The following HPSE variants were observed in gnomAD, a reference collection of about 807,000 sequenced individuals.
The protein encoded by HPSE is endo-glucoronidase.
HPSE carries 48 observed loss-of-function variants against 65.1 expected under a neutral mutation model. The observed-to-expected ratio is 0.74, with a 90% CI of 0.58 to 0.94. HPSE has a LOEUF of 0.94. HPSE is among the 40% of genes least tolerant of loss of function. The pLI is 0.00. For synonymous variants in HPSE, 243 were observed against 260.0 expected (o/e 0.93, Z 0.63); for missense variants, 644 against 637.5 (o/e 1.01, Z -0.11).
rs1737169991 is a variant in HPSE at position 83,326,691 on chromosome 4, C to A, written c.228-4327G>T. On this transcript the variant is annotated intron_variant, in intron 1 of 11. Transcript: ENST00000311412. The surrounding 1 kb of genome is among the most constrained non-coding windows in gnomAD (Gnocchi z 4.2). ...AGGTCACAAGGTATGGCCCTAAAAC[C>A]AAGATGAGGAACTTCCTCAGAGAGA... is the stretch of plus-strand genomic sequence containing the variant. 6.6e-6 allele frequency among the ~76,000 whole-genome samples: 1 copy of A among 152,138 alleles called. No homozygotes were observed. Among genetic ancestry groups the A allele is most frequent in the African/African-American group, 2.4e-5 (1 of 41,430 alleles).
chr4:83,310,170 TTA>T, intron 5 of HPSE, 92 bp from the exon 6 acceptor site: 1 of 802,244 alleles, frequency 1.2e-6, no homozygotes, highest in South Asian at 1.8e-5. Context: ...AATGGGCTGG[TTA>T]CTGCTTTAGG....
At chr4:83,324,956 C>T (rs1285702938) in intron 1 of HPSE, among the ~76,000 whole-genome samples, 1 of 151,976 alleles carries the variant, frequency 6.6e-6, no homozygotes, top group Non-Finnish European at 1.5e-5. Flanking sequence ...ATAAATAGTA[C>T]TCATAGTGTA....
intron 8 of HPSE, 113 bp downstream of exon 8, chr4:83,308,732 C>T (rs532211910): frequency 1.5e-4 from 116 of 759,896 alleles, no homozygotes; most frequent in Non-Finnish European, 2.5e-4. Context: ...TTTTGGGGCT[C>T]AGCCACTGAA....
At chr4:83,298,610 T>C (rs1735816415) in intron 11 of HPSE, among the ~76,000 whole-genome samples, 1 of 152,106 alleles carries the variant, frequency 6.6e-6, no homozygotes, top group Non-Finnish European at 1.5e-5. Flanking sequence ...GGAAGATCAC[T>C]TGAGCTTAGG....
intron 11 of HPSE, 55 bp from the exon 12 acceptor site, chr4:83,295,558 C>G: frequency 7.3e-7 from 1 of 1,371,086 alleles, no homozygotes; most frequent in East Asian, 2.5e-5. Flanking sequence ...CCCACCCATG[C>G]TGCTACAAAA....
rs36002405 is a variant in HPSE, at chr4:83,321,987, C to CTTTTTTTTTTTTT, written c.373+219_373+231dup. ...GAGCTCTCAGTTATATCCAGGACGC[C>CTTTTTTTTTTTTT]TTTTTTTTTTTTTTTTTTTTGTGAG... On this transcript the variant is annotated intron_variant, in intron 2 of 11. Coordinates refer to ENST00000311412, the MANE Select transcript of HPSE (RefSeq NM_001098540.3). Among the ~76,000 whole-genome samples, 25 of 92,562 alleles carry CTTTTTTTTTTTTT rather than the reference C, an allele frequency of 2.7e-4. 2 individuals carry two copies. Among genetic ancestry groups the CTTTTTTTTTTTTT allele is most frequent in the South Asian group, 9.0e-4 (2 of 2,222 alleles). The allele number at this position is 92,562 out of a possible 152,430, so 60.7% of individuals were successfully genotyped here.
chr4:83,317,305 C>T (rs574724877), intron 3 of HPSE, among the ~76,000 whole-genome samples: 1 of 152,294 alleles, frequency 6.6e-6, no homozygotes, highest in East Asian at 1.9e-4. Context: ...CCATGTCACT[C>T]AGCCATTACC....
At position 83,293,052 on chromosome 4, in the gene HPSE, T is replaced by G. The variant is rs908545675; in HGVS notation, c.*2292A>C. ...TACTATATCCATAACAGGCATACAT[T>G]TGAAGAATATTAATCCTTAAGAGGG... On this transcript the variant is annotated 3_prime_UTR_variant, in exon 12 of 12. Transcript: ENST00000311412. The G allele has an allele frequency of 1.3e-5, 2 of 152,220 alleles. No homozygotes were observed. Among genetic ancestry groups the G allele is most frequent in the African/African-American group, 2.4e-5 (1 of 41,452 alleles). The allele number at this position is 152,220 out of a possible 1,614,324, so 9.4% of individuals were successfully genotyped here. A position where few individuals can be genotyped will look rare whatever the true frequency, so the allele number is the denominator to read the frequency against.
In HPSE at chr4:83,322,325, A is replaced by G; in HGVS notation, c.267T>C (p.Pro89=). The change falls in exon 2 of 12, where the codon CCT becomes CCC. Residue 89 remains proline (P), a synonymous_variant. Coordinates refer to ENST00000311412, the MANE Select transcript of HPSE (RefSeq NM_001098540.3). ...TGGTGCCACCAAACCTCAGGTACGC[A>G]GGAGACAAGCCTCTGGCCAAGGTAC... ...KLRTLARGLS[P]AYLRFGGTKT... is the part of the protein sequence containing the mutation. 1 of 1,613,866 alleles carries G rather than the reference A, an allele frequency of 6.2e-7. No homozygotes were observed. Among genetic ancestry groups the G allele is most frequent in the Non-Finnish European group, 8.5e-7 (1 of 1,179,838 alleles).
intron 8 of HPSE, among the ~76,000 whole-genome samples, chr4:83,306,552 A>G (rs1226953454): frequency 6.6e-6 from 1 of 152,104 alleles, no homozygotes; most frequent in Non-Finnish European, 1.5e-5. Flanking sequence ...AGTAGCTGGG[A>G]CTGAAACCGC....
chr4:83,301,006 C>G lies in HPSE; in HGVS notation c.1426G>C (p.Asp476His). The G allele has an allele frequency of 1.2e-6, 2 of 1,609,338 alleles. No individual in the cohort carries two copies. Among genetic ancestry groups the G allele is most frequent in the East Asian group, 2.2e-5 (1 of 44,722 alleles). The stretch of plus-strand genomic sequence containing the variant: ...CCCAAAGGTCTTAGAAGGTATTTAT[C>G]CACTTGCTTGTTAGAAAAAGGATAG... ...LPYPFSNKQV[D>H]KYLLRPLGPH... The change falls in exon 11 of 12, where the codon GAT (aspartate) becomes CAT (histidine). Residue 476 changes from aspartate to histidine, a missense_variant. Asp to His is a moderately conservative substitution (Grantham distance 81, BLOSUM62 -1). Transcript: ENST00000311412.
At position 83,309,472 on chromosome 4, in the gene HPSE, G is replaced by T; in HGVS notation, c.914C>A (p.Ala305Asp). 2 of 1,565,328 alleles carry T rather than the reference G, an allele frequency of 1.3e-6. No homozygotes were observed. Among genetic ancestry groups the T allele is most frequent in the South Asian group, 1.2e-5 (1 of 86,758 alleles). The change falls in exon 7 of 12, where the codon GCT (alanine) becomes GAT (aspartate). Residue 305 changes from alanine to aspartate, a missense_variant. Coordinates refer to ENST00000311412, the MANE Select transcript of HPSE (RefSeq NM_001098540.3). The part of the protein sequence containing the change: ...WHHYYLNGRT[A>D]TKEDFLNPDV... ...AGGGTTTAGAAAATCTTCCTTGGTA[G>T]CAGTCCGTCCATTCAAATAGTAGCT...
intron 3 of HPSE, among the ~76,000 whole-genome samples, chr4:83,314,530 C>A (rs1253785099): frequency 1.3e-5 from 2 of 152,108 alleles, no homozygotes; most frequent in African/African-American, 4.8e-5. Context: ...AAAAAGTTTT[C>A]TGCGATATTA....
chr4:83,328,436 T>C (rs1737234571), intron 1 of HPSE, among the ~76,000 whole-genome samples: 1 of 152,190 alleles, frequency 6.6e-6, no homozygotes, highest in Non-Finnish European at 1.5e-5. Flanking sequence ...CAGTATGACC[T>C]CATCCTAACT....
chr4:83,314,291 A>G (rs973184056), intron 3 of HPSE, among the ~76,000 whole-genome samples: 1 of 151,804 alleles, frequency 6.6e-6, no homozygotes, highest in Non-Finnish European at 1.5e-5. Flanking sequence ...CAAAAAAAAA[A>G]GTAAAGAAAA....
chr4:83,329,137 T>C (rs982271393), intron 1 of HPSE, among the ~76,000 whole-genome samples: 2 of 152,014 alleles, frequency 1.3e-5, no homozygotes, highest in Non-Finnish European at 2.9e-5. Flanking sequence ...GTCTGGAAGC[T>C]AAAAAATGTT....
At chr4:83,334,286 T>G (rs1263707431) in intron 1 of HPSE, among the ~76,000 whole-genome samples, 4 of 152,158 alleles carry the variant, frequency 2.6e-5, no homozygotes, top group African/African-American at 9.7e-5. Context: ...AGAGCCCAGA[T>G]GCCACCACAA....
At chr4:83,311,961 CA>C (rs1736396999) in intron 4 of HPSE, among the ~76,000 whole-genome samples, 1 of 151,784 alleles carries the variant, frequency 6.6e-6, no homozygotes, top group African/African-American at 2.4e-5. Context: ...AAGTTCTTTG[CA>C]AAAAAAGAGT....
Position 83,295,409 on chromosome 4 carries a change from C to T in HPSE, c.1567G>A (p.Gly523Ser), listed in dbSNP as rs1735686808. The change falls in exon 12 of 12, where the codon GGC becomes AGC. Residue 523 changes from glycine (G) to serine (S), a missense_variant. Physicochemically the swap from Gly to Ser is moderately conservative, Grantham distance 56. Transcript: ENST00000311412. ...EKPLRPGSSL[G>S]LPAFSYSFFV... The stretch of plus-strand genomic sequence containing the variant: ...AAACTATATGAGAAAGCTGGCAAGC[C>T]CAGTGAACTTCCTGGCCGGAGAGGT... 6.2e-7 allele frequency: 1 copy of T among 1,613,140 alleles called. No individual in the cohort carries two copies. The highest frequency in any genetic ancestry group is 8.5e-7 in the Non-Finnish European group (1 of 1,179,508).
Sources: gnomAD v4.1 joint callset for allele counts (sites outside exome capture counted in the v4.1 genomes callset) on GRCh38, gnomAD v4.1.1 for gene constraint, Gnocchi (gnomAD v3.1) non-coding constraint, MANE v1.5 for transcripts, NCBI Gene and HGNC (gene_info 2026-07-23, HGNC 2026-07-21) for gene names.